The following CHID1 variants were observed in gnomAD, a reference collection of about 807,000 sequenced individuals.
The protein encoded by CHID1 is chitinase domain-containing protein 1.
Under a neutral mutation model 55.4 loss-of-function variants are expected in CHID1, and 44 were observed. The ratio of observed to expected loss-of-function variants is 0.79; its 90% CI spans 0.62 to 1.02. The LOEUF is 1.02. Ranked by LOEUF, CHID1 falls within the 50% of genes least tolerant of loss-of-function variation. CHID1 has a pLI of 0.00. For synonymous variants in CHID1, 216 were observed against 212.9 expected, an observed-to-expected ratio of 1.01 and a Z score of -0.13; for missense variants, 491 against 515.3, an observed-to-expected ratio of 0.95 and a Z score of 0.46.
chr11:893,421 A>C lies in CHID1; in HGVS notation c.701+6T>G, dbSNP rs914186752. 2 of 1,548,120 alleles carry C rather than the reference A, an allele frequency of 1.3e-6. No individual in the cohort carries two copies. The highest frequency in any genetic ancestry group is 1.7e-6 in the Non-Finnish European group (2 of 1,145,860). On this transcript the variant is annotated splice_donor_region_variant and intron_variant, in intron 8 of 12. Transcript: ENST00000323578. The stretch of plus-strand genomic sequence containing the variant: ...GCCACCCCCACATCTCAAGAGCGGC[A>C]CTTACCCGGGGGTGATGGCAGGCGG...
rs1394386825 is a variant in CHID1 at position 875,536 on chromosome 11, G to A, written c.960-5037C>T. On this transcript the variant is annotated intron_variant, in intron 10 of 12. Transcript: ENST00000323578. This position sits in a 1 kb window ranked among gnomAD's most constrained non-coding sequence, Gnocchi z 4.7. Reference sequence around the variant, plus strand: ...GAGAAGACCTGGCTCCTCGTCACTGGCTATCGGAGAGCGCTGGGGTGTTAG... The same window carrying A: ...GAGAAGACCTGGCTCCTCGTCACTGACTATCGGAGAGCGCTGGGGTGTTAG... Among the ~76,000 whole-genome samples, 1 of 152,182 alleles carries A rather than the reference G, an allele frequency of 6.6e-6. No individual in the cohort carries two copies. Among genetic ancestry groups the A allele is most frequent in the East Asian group, 1.9e-4 (1 of 5,198 alleles).
chr11:891,861 T>TG (rs1377401622), intron 8 of CHID1, among the ~76,000 whole-genome samples: 8 of 142,848 alleles, frequency 5.6e-5, no homozygotes, highest in Non-Finnish European at 1.2e-4. Flanking sequence ...CACGGTGGCT[T>TG]GGGAGGCCGA....
rs187124525 is a variant in CHID1 at position 892,327 on chromosome 11, C to T, written c.701+1100G>A. 2.6e-5 allele frequency among the ~76,000 whole-genome samples: 4 copies of T among 152,286 alleles called. No homozygotes were observed. In the East Asian group the frequency reaches 7.7e-4, roughly 29 times the overall value. On this transcript the variant is annotated intron_variant, in intron 8 of 12. Coordinates refer to ENST00000323578, the MANE Select transcript of CHID1 (RefSeq NM_023947.4). ...CTGGCACATAAGGGAGAGGGAGGGG[C>T]CAGGGCACACAGCAGTGCTGCAGAC...
chr11:893,330 C>G, intron 8 of CHID1, 97 bp downstream of exon 8: 1 of 946,156 alleles, frequency 1.1e-6, no homozygotes, highest in Middle Eastern at 3.3e-4. Context: ...GGGTGCTGAG[C>G]AGGAGGGCCT....
At chr11:910,156 G>GCGGA (rs1268892680) in intron 1 of CHID1, among the ~76,000 whole-genome samples, 1 of 152,132 alleles carries the variant, frequency 6.6e-6, no homozygotes, top group Non-Finnish European at 1.5e-5. Flanking sequence ...GGAAGTCGAG[G>GCGGA]CGGACGGGCG....
At chr11:883,653 C>G (rs1850169853) in intron 9 of CHID1, among the ~76,000 whole-genome samples, 1 of 152,258 alleles carries the variant, frequency 6.6e-6, no homozygotes, top group African/African-American at 2.4e-5. Flanking sequence ...ACCCCACAGC[C>G]ACAGGCAGGA....
intron 8 of CHID1, among the ~76,000 whole-genome samples, chr11:890,332 G>A (rs1255634033): frequency 6.6e-6 from 1 of 152,240 alleles, no homozygotes; most frequent in Admixed American, 6.5e-5. Context: ...CTGTGCAAAC[G>A]TGCTTGCTGG....
chr11:910,805 A>T lies in CHID1; in HGVS notation c.-74T>A. 9.0e-7 allele frequency: 1 copy of T among 1,108,758 alleles called. No homozygotes were observed. Among genetic ancestry groups the T allele is most frequent in the Non-Finnish European group, 1.1e-6 (1 of 902,530 alleles). The allele number at this position is 1,108,758 out of a possible 1,614,324, so 68.7% of individuals were successfully genotyped here. On this transcript the variant is annotated 5_prime_UTR_variant, in exon 1 of 13. Coordinates refer to ENST00000323578, the MANE Select transcript of CHID1 (RefSeq NM_023947.4). ...TGTCAGGGAGGCCGGACGGCCACAA[A>T]CGCACGGCCGGAAAACGCTCCAGCG...
chr11:902,479 G>A, intron 3 of CHID1, 149 bp from the exon 4 acceptor site: 1 of 831,304 alleles, frequency 1.2e-6, no homozygotes, highest in Non-Finnish European at 1.9e-6. Context: ...CTGGCCTGGG[G>A]TATCCTTCTC....
rs1322754916 is a variant in CHID1 at position 868,331 on chromosome 11, T to G, written c.*1527A>C. On this transcript the variant is annotated 3_prime_UTR_variant, in exon 13 of 13. Transcript: ENST00000323578. ...GTCACAGCTCACTGCAGCCTCAACCTCATCAAGCGATCCTCCCATCTCAGC... is the reference window on the plus strand; with the variant it reads ...GTCACAGCTCACTGCAGCCTCAACCGCATCAAGCGATCCTCCCATCTCAGC... The G allele has an allele frequency of 6.6e-6, 1 of 152,066 alleles. No individual in the cohort carries two copies. The highest frequency in any genetic ancestry group is 1.5e-5 in the Non-Finnish European group (1 of 68,020). The allele number at this position is 152,066 out of a possible 1,614,324, so 9.4% of individuals were successfully genotyped here.
At chr11:901,090 A>C in intron 4 of CHID1, 110 bp from the exon 5 acceptor site, 1 of 962,642 alleles carries the variant, frequency 1.0e-6, no homozygotes, top group South Asian at 1.7e-5. Context: ...TGGGAAGGGC[A>C]GGGGCGGGCA....
rs1851025374 is a variant in CHID1 at position 893,711 on chromosome 11, C to T, written c.609-192G>A. On this transcript the variant is annotated intron_variant, in intron 7 of 12. Coordinates refer to ENST00000323578, the MANE Select transcript of CHID1 (RefSeq NM_023947.4). ...AGCCCCAACAACACTGTCTCATGCC[C>T]CAGTGGGCCCCCTAGAGTGGGGGCC... is the stretch of plus-strand genomic sequence containing the variant. Among the ~76,000 whole-genome samples the T allele has an allele frequency of 3.3e-5, 5 of 152,282 alleles. No homozygotes were observed. In the South Asian group the frequency reaches 1.0e-3, roughly 32 times the overall value.
rs1849045560 is a variant in CHID1 at position 869,891 on chromosome 11, G to A, written c.1149C>T (p.Gly383=). ...LGVGVSIWEL[G]QGLDYFYDLL The stretch of plus-strand genomic sequence containing the variant: ...GGTCGTAGAAGTAGTCCAGGCCCTG[G>A]CCCAGCTCCCAGATAGAGACCCCAA... The change falls in exon 13 of 13, where the codon GGC becomes GGT. Residue 383 remains glycine (G), a synonymous_variant. Transcript: ENST00000323578. 6.2e-7 allele frequency: 1 copy of A among 1,612,892 alleles called. No individual in the cohort carries two copies. The highest frequency in any genetic ancestry group is 8.5e-7 in the Non-Finnish European group (1 of 1,179,920).
intron 10 of CHID1, 102 bp from the exon 11 acceptor site, chr11:870,601 G>T: frequency 1.2e-6 from 1 of 812,128 alleles, no homozygotes; most frequent in Non-Finnish European, 2.1e-6. Flanking sequence ...AGGGCCACTC[G>T]GGGCAGCCAC....
intron 8 of CHID1, among the ~76,000 whole-genome samples, 194 bp from the exon 9 acceptor site, chr11:884,363 G>A (rs772874659): frequency 6.6e-6 from 1 of 152,194 alleles, no homozygotes; most frequent in Non-Finnish European, 1.5e-5. Flanking sequence ...ACAGGGGGAT[G>A]TGGTCATCGG....
chr11:894,433 C>T (rs111684165), intron 7 of CHID1, among the ~76,000 whole-genome samples: 1 of 152,332 alleles, frequency 6.6e-6, no homozygotes, highest in African/African-American at 2.4e-5. Flanking sequence ...CCAGGCCGGC[C>T]GTGTGCACAC....
chr11:876,169 A>T (rs775311858), intron 10 of CHID1, among the ~76,000 whole-genome samples: 21 of 152,152 alleles, frequency 1.4e-4, no homozygotes, highest in Non-Finnish European at 2.9e-4. Context: ...AAGGACAGAT[A>T]AGCCTCGAGA....
At chr11:878,212 G>A (rs1307428023) in intron 10 of CHID1, among the ~76,000 whole-genome samples, 2 of 152,232 alleles carry the variant, frequency 1.3e-5, no homozygotes, top group Admixed American at 6.5e-5. Context: ...TCAGGAGTTT[G>A]AGACCAGCCT....
At chr11:893,939 TGGCGAAAC>T (rs1443109842) in intron 7 of CHID1, among the ~76,000 whole-genome samples, 1 of 150,722 alleles carries the variant, frequency 6.6e-6, no homozygotes, top group East Asian at 1.9e-4. Flanking sequence ...TTGGCCAACA[TGGCGAAAC>T]CCCGCCTCTA....
Sources: gnomAD v4.1 joint callset for allele counts (sites outside exome capture counted in the v4.1 genomes callset) on GRCh38, gnomAD v4.1.1 for gene constraint, Gnocchi (gnomAD v3.1) non-coding constraint, MANE v1.5 for transcripts, NCBI Gene and HGNC (gene_info 2026-07-23, HGNC 2026-07-21) for gene names.